MICALL1: variants seen among roughly 807,000 people sequenced by gnomAD.
MICALL1 encodes MICAL-like protein 1.
In MICALL1, 61 loss-of-function variants were observed where a neutral mutation model predicts 83.7. The ratio of observed to expected loss-of-function variants is 0.73; its 90% CI spans 0.59 to 0.90. MICALL1 has a LOEUF of 0.90. Ranked by LOEUF, MICALL1 falls within the 40% of genes least tolerant of loss-of-function variation. The probability of loss-of-function intolerance (pLI) is 0.00; values close to 1 mark genes in which losing one functional copy is unlikely to be tolerated. For synonymous variants in MICALL1, 481 were observed against 473.6 expected, an observed-to-expected ratio of 1.02 and a Z score of -0.20; for missense variants, 1,066 against 1,152.0, an observed-to-expected ratio of 0.93 and a Z score of 1.08.
chr22:37,931,976 G>A (rs748087960), intron 10 of MICALL1, 43 bp downstream of exon 10: 1 of 1,601,606 alleles, frequency 6.2e-7, no homozygotes, highest in Non-Finnish European at 8.5e-7. Flanking sequence ...GCCTGGGCTG[G>A]CAACCCCCAC....
Position 37,937,804 on chromosome 22 carries a change from G to A in MICALL1, c.2470+12G>A. On this transcript the variant is annotated intron_variant, in intron 15 of 15. Transcript: ENST00000215957. ...GATCAAGAAGAAAGGTGAGGCCCTT[G>A]CTGGGGATGAGGCTGGTGAGCACTT... 1 of 1,613,314 alleles carries A rather than the reference G, an allele frequency of 6.2e-7. No individual in the cohort carries two copies. Among genetic ancestry groups the A allele is most frequent in the Non-Finnish European group, 8.5e-7 (1 of 1,179,430 alleles).
rs200870783 is a variant in MICALL1, at chr22:37,922,805, T to G, written c.1024+379T>G. On this transcript the variant is annotated intron_variant, in intron 6 of 15. Transcript: ENST00000215957. Reference sequence around the variant, plus strand: ...TGTTTTGTTTTTTTTTGTTTTTTTTTTTTTTTTTTTTTAGTAGAGACGGGG... The same window carrying G: ...TGTTTTGTTTTTTTTTGTTTTTTTTGTTTTTTTTTTTTAGTAGAGACGGGG... Among the ~76,000 whole-genome samples the G allele has an allele frequency of 2.6e-3, 356 of 139,480 alleles. 2 individuals are homozygous for G. The highest frequency in any genetic ancestry group is 8.4e-3 in the African/African-American group (313 of 37,320). The allele number at this position is 139,480 out of a possible 152,430, so 91.5% of individuals were successfully genotyped here.
At chr22:37,935,948 C>T (rs1019939435) in intron 13 of MICALL1, among the ~76,000 whole-genome samples, 6 of 151,794 alleles carry the variant, frequency 4.0e-5, no homozygotes, top group African/African-American at 7.3e-5. Context: ...AGGCTGGTCT[C>T]GAACTCCTGA....
At chr22:37,911,724 C>T (rs374862941) in intron 1 of MICALL1, among the ~76,000 whole-genome samples, 1 of 152,202 alleles carries the variant, frequency 6.6e-6, no homozygotes, top group East Asian at 1.9e-4. Context: ...CTCCAGGGCC[C>T]GTGATCTCAT....
Position 37,922,184 on chromosome 22 carries a change from C to T in MICALL1, c.782C>T (p.Ala261Val). 6.2e-7 allele frequency: 1 copy of T among 1,612,808 alleles called. No individual in the cohort carries two copies. The highest frequency in any genetic ancestry group is 8.5e-7 in the Non-Finnish European group (1 of 1,179,910). Residue 261 changes from alanine (A) to valine (V), a missense_variant, in exon 6 of 16, where the codon GCT becomes GTT. By Grantham distance (64) the Ala-to-Val change is moderately conservative. Coordinates refer to ENST00000215957, the MANE Select transcript of MICALL1 (RefSeq NM_033386.4). ...CCAGGAGGCGGCCCCAGCTCCAGTG[C>T]TCCTGCAGGGGCTGAGGCCGATGGA... ...DVPGGGPSSS[A>V]PAGAEADGPK...
At position 37,917,709 on chromosome 22, in the gene MICALL1, G is replaced by T. The variant is rs1760555002; in HGVS notation, c.340G>T (p.Gly114Cys). The T allele has an allele frequency of 6.2e-7, 1 of 1,613,490 alleles. No individual in the cohort carries two copies. Among genetic ancestry groups the T allele is most frequent in the African/African-American group, 1.3e-5 (1 of 74,928 alleles). ...YNHFCSPGQA[G>C]VSPPRKGLAP... ...ACCCCTTTCTCATCTCTTGGCAGCT[G>T]GTGTCTCGCCACCCAGAAAGGGCCT... The change falls in exon 4 of 16, where the codon GGT becomes TGT. Residue 114 changes from glycine (G) to cysteine (C), a missense_variant and splice_region_variant. By Grantham distance (159) the Gly-to-Cys change is radical (BLOSUM62 -3). Transcript: ENST00000215957.
At chr22:37,916,184 C>T (rs1248063080) in intron 3 of MICALL1, among the ~76,000 whole-genome samples, 1 of 152,176 alleles carries the variant, frequency 6.6e-6, no homozygotes, top group Non-Finnish European at 1.5e-5. Flanking sequence ...CTGGTGGGCA[C>T]AGCTTACCGT....
At position 37,932,960 on chromosome 22, in the gene MICALL1, C is replaced by G. The variant is rs1929882490; in HGVS notation, c.2234+72C>G. On this transcript the variant is annotated intron_variant, in intron 12 of 15. Transcript: ENST00000215957. The surrounding 1 kb of genome is among the most constrained non-coding windows in gnomAD (Gnocchi z 4.4). ...TAGAATGGAGAACCCTTACCCTCTT[C>G]CCTCATCAGTAACAGCGCAGGGCAG... 1.2e-6 allele frequency: 2 copies of G among 1,611,892 alleles called. No individual in the cohort carries two copies. Among genetic ancestry groups the G allele is most frequent in the South Asian group, 2.2e-5 (2 of 91,048 alleles).
rs750550522 is a variant in MICALL1 at position 37,940,695 on chromosome 22, T to A, written c.2471-14T>A. On this transcript the variant is annotated splice_polypyrimidine_tract_variant and intron_variant, in intron 15 of 15. Coordinates refer to ENST00000215957, the MANE Select transcript of MICALL1 (RefSeq NM_033386.4). ...TTCTCCACTTTATTAAGTGCTCCCCTCTCTGTGCTGCAGAGTTCCAGAGGG... is the reference window on the plus strand; with the variant it reads ...TTCTCCACTTTATTAAGTGCTCCCCACTCTGTGCTGCAGAGTTCCAGAGGG... The A allele has an allele frequency of 1.1e-5, 17 of 1,613,400 alleles. No individual in the cohort carries two copies. The South Asian group carries it at 1.5e-4, about 15-fold the overall frequency.
At chr22:37,937,273 C>T (rs1930183433) in intron 14 of MICALL1, 79 bp downstream of exon 14, 1 of 1,195,034 alleles carries the variant, frequency 8.4e-7, no homozygotes, top group South Asian at 1.4e-5. Context: ...TGGGGCAGCT[C>T]CCTGGAGAGC....
chr22:37,920,445 C>CTAAA, intron 5 of MICALL1, among the ~76,000 whole-genome samples: 1 of 151,988 alleles, frequency 6.6e-6, no homozygotes, highest in East Asian at 2.0e-4. Flanking sequence ...CCAACACAGT[C>CTAAA]ACATCTGGCT....
chr22:37,922,785 TG>T lies in MICALL1; in HGVS notation c.1024+360del, dbSNP rs1283451431. 1.6e-3 allele frequency among the ~76,000 whole-genome samples: 216 copies of T among 132,714 alleles called. 1 individual carries two copies. The highest frequency in any genetic ancestry group is 6.2e-3 in the African/African-American group (205 of 32,904). The allele number at this position is 132,714 out of a possible 152,430, so 87.1% of individuals were successfully genotyped here. On this transcript the variant is annotated intron_variant, in intron 6 of 15. Transcript: ENST00000215957. The stretch of plus-strand genomic sequence containing the variant: ...CCACCATGCCCAGCTAATTTTGTTT[TG>T]TTTTTTTTTGTTTTTTTTTTTTTTT...
In MICALL1 at chr22:37,925,637, T is replaced by C. The variant is rs1003333723; in HGVS notation, c.1083-24T>C. 4 of 1,580,112 alleles carry C rather than the reference T, an allele frequency of 2.5e-6. No homozygotes were observed. The Admixed American group carries it at 6.9e-5, about 27-fold the overall frequency. ...CTGACCCTTGCCTCTGCTAATGGTT[T>C]CTGCTGCTTCCCCCCTCCTCCAGGA... On this transcript the variant is annotated intron_variant, in intron 7 of 15. Transcript: ENST00000215957.
At chr22:37,910,171 A>G (rs1007828013) in intron 1 of MICALL1, among the ~76,000 whole-genome samples, 5 of 152,194 alleles carry the variant, frequency 3.3e-5, no homozygotes, top group Admixed American at 6.5e-5. Context: ...AGGGACAGAG[A>G]TGGGGGTGGA....
Position 37,919,025 on chromosome 22 carries a change from G to T in MICALL1, c.427-11G>T. On this transcript the variant is annotated splice_polypyrimidine_tract_variant and intron_variant, in intron 4 of 15. Transcript: ENST00000215957. ...TCCTGCTCCCAACCTCCCCCACCTC[G>T]TTCTCTGCAGGGCGAGGAGCTCTCC... The T allele has an allele frequency of 1.3e-6, 2 of 1,541,288 alleles. No homozygotes were observed. The highest frequency in any genetic ancestry group is 1.8e-6 in the Non-Finnish European group (2 of 1,139,980).
At chr22:37,908,670 C>T (rs1928120238) in intron 1 of MICALL1, among the ~76,000 whole-genome samples, 1 of 152,174 alleles carries the variant, frequency 6.6e-6, no homozygotes, top group Non-Finnish European at 1.5e-5. Context: ...GTGCTGGACA[C>T]TGTACCTGGT....
rs1432520739 is a variant in MICALL1, at chr22:37,922,601, A to ATAT, written c.1024+176_1024+177insATT. On this transcript the variant is annotated intron_variant, in intron 6 of 15. Transcript: ENST00000215957. ...ATTATATATATATATATATATATAT[A>ATAT]TTTTTTTTTTTTTTTTTTTTTTTTT... is the stretch of plus-strand genomic sequence containing the variant. Among the ~76,000 whole-genome samples, 85 of 31,950 alleles carry ATAT rather than the reference A, an allele frequency of 2.7e-3. 1 individual carries two copies. Among genetic ancestry groups the ATAT allele is most frequent in the Non-Finnish European group, 3.2e-3 (50 of 15,800 alleles). The allele number at this position is 31,950 out of a possible 152,430, so 21.0% of individuals were successfully genotyped here.
chr22:37,927,225 T>C (rs1929500384), intron 8 of MICALL1, 186 bp from the exon 9 acceptor site: 4 of 635,052 alleles, frequency 6.3e-6, no homozygotes, highest in South Asian at 2.9e-5. Context: ...CTCGGGTGGC[T>C]GGATGCACCT....
Position 37,942,158 on chromosome 22 carries a change from G to A in MICALL1, c.*1328G>A, listed in dbSNP as rs1930468732. ...TCTCTGCCCTCACCGCCTGCCACTGGGCAGGATCCCTTTCCTCTGCAGGGA... is the reference window on the plus strand; with the variant it reads ...TCTCTGCCCTCACCGCCTGCCACTGAGCAGGATCCCTTTCCTCTGCAGGGA... On this transcript the variant is annotated 3_prime_UTR_variant, in exon 16 of 16. Coordinates refer to ENST00000215957, the MANE Select transcript of MICALL1 (RefSeq NM_033386.4). 1.3e-5 allele frequency: 2 copies of A among 152,266 alleles called. No homozygotes were observed. Among genetic ancestry groups the A allele is most frequent in the South Asian group, 2.1e-4 (1 of 4,836 alleles). 9.4% of individuals were successfully genotyped at this position (152,266 alleles called of 1,614,324 possible).
Sources: gnomAD v4.1 joint callset for allele counts (sites outside exome capture counted in the v4.1 genomes callset) on GRCh38, gnomAD v4.1.1 for gene constraint, Gnocchi (gnomAD v3.1) non-coding constraint, MANE v1.5 for transcripts, NCBI Gene and HGNC (gene_info 2026-07-23, HGNC 2026-07-21) for gene names.